SLC24A3: variants seen among roughly 807,000 people sequenced by gnomAD.
The protein encoded by SLC24A3 is sodium/potassium/calcium exchanger 3.
A neutral mutation model predicts 75.8 loss-of-function variants in SLC24A3; 28 were observed. That is an observed-to-expected ratio of 0.37 (90% CI 0.27 to 0.51). The LOEUF (loss-of-function observed/expected upper bound fraction) is 0.51, where lower values mean the gene tolerates loss of function less well. SLC24A3 is among the 20% of genes least tolerant of loss of function. The probability of loss-of-function intolerance (pLI) is 0.94; values close to 1 mark genes in which losing one functional copy is unlikely to be tolerated. For synonymous variants in SLC24A3, 372 were observed against 334.1 expected (o/e 1.11, Z -1.24); for missense variants, 663 against 847.8 (o/e 0.78, Z 2.71).
At chr20:19,353,201 T>G (rs1366455173) in intron 2 of SLC24A3, among the ~76,000 whole-genome samples, 1 of 152,206 alleles carries the variant, frequency 6.6e-6, no homozygotes, top group Non-Finnish European at 1.5e-5. Flanking sequence ...CACGTCTTCA[T>G]CATTAAGTGA....
chr20:19,393,356 C>T (rs1355486406), intron 2 of SLC24A3, among the ~76,000 whole-genome samples: 1 of 152,046 alleles, frequency 6.6e-6, no homozygotes, highest in Non-Finnish European at 1.5e-5. Context: ...GTTTGCTCAA[C>T]ATACCACTGG....
At chr20:19,489,885 C>T (rs2122528979) in intron 2 of SLC24A3, among the ~76,000 whole-genome samples, 1 of 152,302 alleles carries the variant, frequency 6.6e-6, no homozygotes, top group Non-Finnish European at 1.5e-5. Context: ...CTTCACTGTT[C>T]TGAATAATGG....
chr20:19,584,377 A>G (rs1383695814), intron 4 of SLC24A3, among the ~76,000 whole-genome samples: 3 of 152,098 alleles, frequency 2.0e-5, no homozygotes, highest in African/African-American at 7.2e-5. Flanking sequence ...ACACCCCAAC[A>G]TGCCTCCATA....
At position 19,543,369 on chromosome 20, in the gene SLC24A3, T is replaced by C. The variant is rs145425103; in HGVS notation, c.348+27805T>C. On this transcript the variant is annotated intron_variant, in intron 3 of 16. Coordinates refer to ENST00000328041, the MANE Select transcript of SLC24A3 (RefSeq NM_020689.4). ...GTGAGCTTTGTTTTGAAACGGCGTGTCACAGACAATGTTGGCAAAGCCAAG... is the reference window on the plus strand; with the variant it reads ...GTGAGCTTTGTTTTGAAACGGCGTGCCACAGACAATGTTGGCAAAGCCAAG... Among the ~76,000 whole-genome samples the C allele has an allele frequency of 2.1e-3, 325 of 152,320 alleles. 1 individual carries two copies. The highest frequency in any genetic ancestry group is 7.4e-3 in the African/African-American group (306 of 41,576).
chr20:19,318,093 A>C (rs911081074), intron 2 of SLC24A3, among the ~76,000 whole-genome samples: 1 of 152,182 alleles, frequency 6.6e-6, no homozygotes, highest in Non-Finnish European at 1.5e-5. Flanking sequence ...GGTGGTGTAC[A>C]AATACCCCAG....
intron 15 of SLC24A3, among the ~76,000 whole-genome samples, chr20:19,707,893 G>A (rs1391905518): frequency 1.3e-5 from 2 of 152,226 alleles, no homozygotes; most frequent in African/African-American, 4.8e-5. Flanking sequence ...TGATAGGTCT[G>A]AAGTTCAGAG....
At chr20:19,477,490 A>G (rs550246927) in intron 2 of SLC24A3, among the ~76,000 whole-genome samples, 2 of 152,382 alleles carry the variant, frequency 1.3e-5, no homozygotes, top group South Asian at 2.1e-4. Context: ...GTCATTACCC[A>G]GAAGTATTTT....
intron 2 of SLC24A3, among the ~76,000 whole-genome samples, chr20:19,440,698 A>G (rs1429328208): frequency 6.8e-6 from 1 of 146,838 alleles, no homozygotes; most frequent in Non-Finnish European, 1.5e-5. Context: ...GAATGAATGA[A>G]TTTAGTAGAA....
intron 2 of SLC24A3, among the ~76,000 whole-genome samples, chr20:19,481,997 C>T (rs556489491): frequency 5.3e-5 from 8 of 152,302 alleles, no homozygotes; most frequent in Non-Finnish European, 8.8e-5. Context: ...ACCCTGTGCA[C>T]ACATCTCCAC....
At chr20:19,684,493 G>GTTATACAGCTGT (rs771804667) in intron 11 of SLC24A3, among the ~76,000 whole-genome samples, 157 bp downstream of exon 11, 3 of 152,148 alleles carry the variant, frequency 2.0e-5, no homozygotes, top group Non-Finnish European at 4.4e-5. Flanking sequence ...TGGGCCAGCT[G>GTTATACAGCTGT]TATATCTGGC....
intron 7 of SLC24A3, among the ~76,000 whole-genome samples, chr20:19,657,272 C>T (rs1355994566): frequency 6.6e-6 from 1 of 152,154 alleles, no homozygotes; most frequent in Non-Finnish European, 1.5e-5. Flanking sequence ...GTTCTTTTTA[C>T]TTTAACTGGT....
At chr20:19,287,442 C>T (rs1432725494) in intron 2 of SLC24A3, among the ~76,000 whole-genome samples, 1 of 152,234 alleles carries the variant, frequency 6.6e-6, no homozygotes, top group African/African-American at 2.4e-5. Flanking sequence ...GTTTGGTGAA[C>T]TGCTAGCTAG....
rs146075871 is a variant in SLC24A3 at position 19,270,132 on chromosome 20, G to A, written c.143-10827G>A. 2.2e-3 allele frequency among the ~76,000 whole-genome samples: 342 copies of A among 152,268 alleles called. 3 individuals are homozygous for A. The highest frequency in any genetic ancestry group is 8.1e-3 in the African/African-American group (337 of 41,550). ...CTTGCATTTTCCTTTCTGAAACACA[G>A]CCCAGTTGGGGTGCACATTTGCATA... On this transcript the variant is annotated intron_variant, in intron 1 of 16. Coordinates refer to ENST00000328041, the MANE Select transcript of SLC24A3 (RefSeq NM_020689.4).
chr20:19,422,134 A>G (rs370372261), intron 2 of SLC24A3, among the ~76,000 whole-genome samples: 8 of 152,072 alleles, frequency 5.3e-5, no homozygotes, highest in African/African-American at 1.9e-4. Flanking sequence ...GCCAGAGAAC[A>G]CATGCAGACT....
intron 2 of SLC24A3, among the ~76,000 whole-genome samples, chr20:19,366,713 G>GA (rs920948989): frequency 7.9e-5 from 12 of 151,088 alleles, no homozygotes; most frequent in African/African-American, 2.4e-4. Context: ...TAAAAATTAA[G>GA]AAAAAAAAAT....
intron 1 of SLC24A3, among the ~76,000 whole-genome samples, chr20:19,243,022 G>T (rs1982376737): frequency 6.6e-6 from 1 of 152,038 alleles, no homozygotes; most frequent in African/African-American, 2.4e-5. Context: ...TTCAGAAAGT[G>T]TCTGTCTCTT....
At chr20:19,511,622 C>G (rs548473062) in intron 2 of SLC24A3, among the ~76,000 whole-genome samples, 1 of 152,196 alleles carries the variant, frequency 6.6e-6, no homozygotes, top group South Asian at 2.1e-4. Context: ...CCACCGCGCC[C>G]GGCCTGGGCT....
intron 1 of SLC24A3, among the ~76,000 whole-genome samples, chr20:19,255,247 G>A (rs904052260): frequency 2.0e-5 from 3 of 152,190 alleles, no homozygotes; most frequent in Admixed American, 6.5e-5. Context: ...GGCTTATCAC[G>A]GTGACCCATC....
intron 2 of SLC24A3, among the ~76,000 whole-genome samples, chr20:19,431,101 G>C (rs1280237771): frequency 6.6e-6 from 1 of 152,088 alleles, no homozygotes; most frequent in Admixed American, 6.5e-5. Context: ...GATGCTAACT[G>C]GCTGGTTGGC....
Sources: gnomAD v4.1 joint callset for allele counts (sites outside exome capture counted in the v4.1 genomes callset) on GRCh38, gnomAD v4.1.1 for gene constraint, MANE v1.5 for transcripts, NCBI Gene and HGNC (gene_info 2026-07-23, HGNC 2026-07-21) for gene names.